Variants in INVS observed in about 807,000 individuals in gnomAD.
INVS encodes inversion of embryo turning homolog.
INVS carries 86 observed loss-of-function variants against 108.8 expected under a neutral mutation model. That is an observed-to-expected ratio of 0.79 (90% confidence interval 0.66 to 0.95). The LOEUF (loss-of-function observed/expected upper bound fraction) is 0.95, where lower values mean the gene tolerates loss of function less well. INVS is among the 40% of genes least tolerant of loss of function. The pLI, the probability that INVS is intolerant of heterozygous loss-of-function variation, is 0.00. For missense variants in INVS, 1,169 were observed against 1,297.4 expected (o/e 0.90, Z 1.52); for synonymous variants, 455 against 473.5 (o/e 0.96, Z 0.51).
At chr9:100,256,451 C>G (rs1486709157) in intron 10 of INVS, among the ~76,000 whole-genome samples, 2 of 152,184 alleles carry the variant, frequency 1.3e-5, no homozygotes. Context: ...TTCTTGCCTT[C>G]TGCTAGCTTT....
intron 3 of INVS, among the ~76,000 whole-genome samples, chr9:100,208,765 C>T (rs866964607): frequency 2.6e-5 from 4 of 152,184 alleles, no homozygotes; most frequent in South Asian, 4.2e-4. Context: ...ACTGAGAAGG[C>T]TGGTCAGGGT....
intron 2 of INVS, among the ~76,000 whole-genome samples, chr9:100,124,219 ATTGT>A (rs1465664898): frequency 9.8e-4 from 116 of 118,626 alleles, no homozygotes; most frequent in African/African-American, 3.4e-3. Context: ...TGTGTGTATG[ATTGT>A]TCTAGGTATT....
chr9:100,187,078 G>A (rs7859524), intron 3 of INVS, among the ~76,000 whole-genome samples: 29,437 of 151,800 alleles, frequency 0.19, 4,548 homozygotes, highest in African/African-American at 0.43. Context: ...CTACATGTGC[G>A]TATCCAGTTT....
At chr9:100,104,322 T>C (rs1827102059) in intron 1 of INVS, among the ~76,000 whole-genome samples, 176 bp from the exon 2 acceptor site, 1 of 152,228 alleles carries the variant, frequency 6.6e-6, no homozygotes, top group Non-Finnish European at 1.5e-5. Flanking sequence ...GCGTTGGCCT[T>C]CCAAACTGCT....
chr9:100,225,043 A>C (rs991655539), intron 3 of INVS, among the ~76,000 whole-genome samples: 4 of 150,460 alleles, frequency 2.7e-5, no homozygotes, highest in African/African-American at 4.9e-5. Context: ...TGAGTCTGGG[A>C]TCCAAACTTG....
At chr9:100,277,249 T>A (rs1212594807) in intron 12 of INVS, among the ~76,000 whole-genome samples, 1 of 152,218 alleles carries the variant, frequency 6.6e-6, no homozygotes, top group Non-Finnish European at 1.5e-5. Flanking sequence ...AAACCAACTT[T>A]CAGATTTTTA....
intron 5 of INVS, 126 bp from the exon 6 acceptor site, chr9:100,239,934 A>C: frequency 2.4e-6 from 2 of 837,842 alleles, no homozygotes; most frequent in South Asian, 2.8e-5. Flanking sequence ...ATGCCACTGT[A>C]CTCCAACCTG....
At chr9:100,187,486 G>A (rs185228301) in intron 3 of INVS, among the ~76,000 whole-genome samples, 69 of 146,388 alleles carry the variant, frequency 4.7e-4, no homozygotes, top group African/African-American at 1.7e-3. Context: ...GTCAATGAGC[G>A]TGGGATGTGT....
chr9:100,104,188 C>A (rs1279323902), intron 1 of INVS, among the ~76,000 whole-genome samples: 1 of 152,082 alleles, frequency 6.6e-6, no homozygotes, highest in Admixed American at 6.6e-5. Flanking sequence ...TAATTTGCCA[C>A]CTAATGCCAA....
At chr9:100,171,472 A>G (rs2119040572) in intron 3 of INVS, among the ~76,000 whole-genome samples, 1 of 152,268 alleles carries the variant, frequency 6.6e-6, no homozygotes, top group Non-Finnish European at 1.5e-5. Flanking sequence ...ACATATTCCC[A>G]TTGTTAAGCA....
chr9:100,263,665 C>T (rs1832698046), intron 10 of INVS, among the ~76,000 whole-genome samples: 1 of 152,180 alleles, frequency 6.6e-6, no homozygotes, highest in Non-Finnish European at 1.5e-5. Flanking sequence ...CTTAATTCTT[C>T]CTTCTCATGT....
intron 6 of INVS, 34 bp downstream of exon 6, chr9:100,240,274 C>T (rs762501626): frequency 3.3e-6 from 5 of 1,518,318 alleles, no homozygotes; most frequent in Non-Finnish European, 4.6e-6. Context: ...GTAAAAGGAA[C>T]TTCATGAGTA....
chr9:100,197,537 A>G (rs1337697635), intron 3 of INVS, among the ~76,000 whole-genome samples: 2 of 152,148 alleles, frequency 1.3e-5, no homozygotes, highest in Non-Finnish European at 2.9e-5. Flanking sequence ...ATATGGATGA[A>G]TTTCTTGTTC....
chr9:100,243,428 G>T (rs921443224), intron 7 of INVS, among the ~76,000 whole-genome samples: 2 of 152,152 alleles, frequency 1.3e-5, no homozygotes, highest in Non-Finnish European at 2.9e-5. Context: ...AATAGAATGT[G>T]CTCTCATTAC....
intron 1 of INVS, among the ~76,000 whole-genome samples, chr9:100,102,360 C>G (rs1827022842): frequency 6.6e-6 from 1 of 152,110 alleles, no homozygotes; most frequent in Admixed American, 6.6e-5. Flanking sequence ...CTTACAAGCT[C>G]CATGAGACTA....
chr9:100,116,712 T>G (rs1017911823), intron 2 of INVS: 17 of 654,646 alleles, frequency 2.6e-5, no homozygotes, highest in Non-Finnish European at 3.5e-5. Flanking sequence ...ATTTTTTATT[T>G]TTTTAACAGG....
At chr9:100,143,754 G>A (rs1037944263) in intron 3 of INVS, among the ~76,000 whole-genome samples, 4 of 152,164 alleles carry the variant, frequency 2.6e-5, no homozygotes, top group African/African-American at 9.7e-5. Context: ...GGAGTTTTAA[G>A]AGGTTTAGAA....
Position 100,253,017 on chromosome 9 carries a change from C to G in INVS, c.1345C>G (p.Pro449Ala). The change falls in exon 10 of 17, where the codon CCA becomes GCA. Residue 449 changes from proline (P) to alanine (A), a missense_variant. By Grantham distance (27) the Pro-to-Ala change is conservative. Transcript: ENST00000262457. The part of the protein sequence containing the change: ...CQILIENKIN[P>A]NVQDYAGRTP... ...GATATTAATAGAAAATAAGATCAAT[C>G]CAAATGTCCAGGATTATGCAGGAAG... 1 of 1,613,842 alleles carries G rather than the reference C, an allele frequency of 6.2e-7. No homozygotes were observed. Among genetic ancestry groups the G allele is most frequent in the Non-Finnish European group, 8.5e-7 (1 of 1,179,790 alleles).
chr9:100,186,099 C>A (rs945028558), intron 3 of INVS, among the ~76,000 whole-genome samples: 10 of 152,064 alleles, frequency 6.6e-5, no homozygotes, highest in Non-Finnish European at 2.9e-5. Flanking sequence ...AATGGTAGAT[C>A]TACTTTTAGT....
Sources: gnomAD v4.1 joint callset for allele counts (sites outside exome capture counted in the v4.1 genomes callset) on GRCh38, gnomAD v4.1.1 for gene constraint, MANE v1.5 for transcripts, NCBI Gene and HGNC (gene_info 2026-07-23, HGNC 2026-07-21) for gene names.